The following ITGB6 variants were observed in gnomAD, a reference collection of about 807,000 sequenced individuals.
The protein encoded by ITGB6 is integrin subunit beta 6.
Under a neutral mutation model 84.5 loss-of-function variants are expected in ITGB6, and 80 were observed. That is an observed-to-expected ratio of 0.95 (90% CI 0.79 to 1.14). The LOEUF is 1.14. Ranked by LOEUF, ITGB6 falls within the 50% of genes most tolerant of loss-of-function variation. The pLI is 0.00. For missense variants in ITGB6, 1,006 were observed against 968.0 expected (o/e 1.04, Z -0.52); for synonymous variants, 383 against 354.9 (o/e 1.08, Z -0.89).
At chr2:160,161,077 G>A (rs1684799474) in intron 7 of ITGB6, among the ~76,000 whole-genome samples, 1 of 152,190 alleles carries the variant, frequency 6.6e-6, no homozygotes, top group African/African-American at 2.4e-5. Flanking sequence ...ATGTGAATAT[G>A]TAAAAGTAAC....
chr2:160,173,280 G>T (rs1685289143), intron 5 of ITGB6, among the ~76,000 whole-genome samples: 1 of 152,194 alleles, frequency 6.6e-6, no homozygotes, highest in Non-Finnish European at 1.5e-5. Flanking sequence ...ATTGTCTGTT[G>T]TTGGTGTTTA....
intron 7 of ITGB6, among the ~76,000 whole-genome samples, chr2:160,159,497 T>C (rs1244715799): frequency 6.6e-6 from 1 of 152,174 alleles, no homozygotes; most frequent in Non-Finnish European, 1.5e-5. Flanking sequence ...GCAACAAAAG[T>C]ATTTTTGGAT....
chr2:160,199,366 T>C lies in ITGB6; in HGVS notation c.62-108A>G, dbSNP rs1574155639. 5 of 771,998 alleles carry C rather than the reference T, an allele frequency of 6.5e-6. No individual in the cohort carries two copies. In the East Asian group the frequency reaches 1.3e-4, roughly 20 times the overall value. The allele number at this position is 771,998 out of a possible 1,614,324, so 47.8% of individuals were successfully genotyped here. ...TGAACAAAACAACATCAAAGTTTAG[T>C]TTAGTATCCAAAATCAGTCCTCGAA... is the stretch of plus-strand genomic sequence containing the variant. On this transcript the variant is annotated intron_variant, in intron 1 of 14. Transcript: ENST00000283249.
In ITGB6 at chr2:160,195,376, G is replaced by T. The variant is rs730880298; in HGVS notation, c.586C>A (p.Pro196Thr). The T allele has an allele frequency of 3.3e-5, 54 of 1,614,082 alleles. No homozygotes were observed. In the South Asian group the frequency reaches 5.9e-4, roughly 18 times the overall value. Residue 196 changes from proline (P) to threonine (T), a missense_variant, in exon 4 of 15, where the codon CCT (proline) becomes ACT (threonine). Transcript: ENST00000283249. The part of the protein sequence containing the change: ...VKTTPEEIAN[P>T]CSSIPYFCLP... Reference sequence around the variant, plus strand: ...AGAGAATCATTTACTTACCTGCAAGGGTTGGCAATTTCTTCTGGTGTTGTT... The same window carrying T: ...AGAGAATCATTTACTTACCTGCAAGTGTTGGCAATTTCTTCTGGTGTTGTT...
intron 12 of ITGB6, among the ~76,000 whole-genome samples, chr2:160,119,992 G>T (rs1413647033): frequency 6.6e-6 from 1 of 151,832 alleles, no homozygotes; most frequent in Non-Finnish European, 1.5e-5. Flanking sequence ...AGTTAGAATG[G>T]CAATCATTAA....
At chr2:160,160,555 G>T (rs1684777673) in intron 7 of ITGB6, among the ~76,000 whole-genome samples, 1 of 152,062 alleles carries the variant, frequency 6.6e-6, no homozygotes, top group Non-Finnish European at 1.5e-5. Context: ...ATTAATACTA[G>T]TCCCTTGGTA....
rs1683243157 is a variant in ITGB6 at position 160,126,403 on chromosome 2, C to G, written c.1859G>C (p.Cys620Ser). ...SGPTCERCPTCGDPCNSKRSC... is the reference protein window; with the variant it reads ...SGPTCERCPTSGDPCNSKRSC... The stretch of plus-strand genomic sequence containing the variant: ...CCGTTTAGAGTTACAGGGGTCACCA[C>G]AGGTAGGACATCGTTCACAGGTTGG... The change falls in exon 11 of 15, where the codon TGT (cysteine) becomes TCT (serine). Residue 620 changes from cysteine to serine, a missense_variant. Transcript: ENST00000283249. The G allele has an allele frequency of 6.2e-7, 1 of 1,614,170 alleles. No individual in the cohort carries two copies. Among genetic ancestry groups the G allele is most frequent in the Non-Finnish European group, 8.5e-7 (1 of 1,179,996 alleles).
chr2:160,155,498 A>T (rs1465852890), intron 7 of ITGB6, among the ~76,000 whole-genome samples: 1 of 152,218 alleles, frequency 6.6e-6, no homozygotes, highest in East Asian at 1.9e-4. Context: ...CATTTATGAC[A>T]CATGTACTAC....
At chr2:160,163,096 G>GCT (rs1308524605) in intron 7 of ITGB6, among the ~76,000 whole-genome samples, 14 of 152,138 alleles carry the variant, frequency 9.2e-5, no homozygotes, top group African/African-American at 3.4e-4. Context: ...GTGTTCCCTA[G>GCT]CTGTGTGGCC....
intron 6 of ITGB6, among the ~76,000 whole-genome samples, chr2:160,171,860 AG>A (rs1685218277): frequency 6.6e-6 from 1 of 152,228 alleles, no homozygotes; most frequent in Admixed American, 6.5e-5. Flanking sequence ...CTCTGGGGGC[AG>A]TAATGACTGA....
intron 4 of ITGB6, among the ~76,000 whole-genome samples, chr2:160,182,056 A>G (rs1685701025): frequency 1.3e-5 from 2 of 152,256 alleles, no homozygotes; most frequent in Non-Finnish European, 2.9e-5. Flanking sequence ...AAAAAGACTG[A>G]AAATTCCAAA....
At chr2:160,143,078 A>G (rs1684060184) in intron 7 of ITGB6, among the ~76,000 whole-genome samples, 1 of 152,210 alleles carries the variant, frequency 6.6e-6, no homozygotes. Context: ...ATTTGGGCTC[A>G]GGAGTTCGAG....
intron 7 of ITGB6, among the ~76,000 whole-genome samples, chr2:160,154,289 T>C (rs563565463): frequency 1.3e-5 from 2 of 152,270 alleles, no homozygotes; most frequent in East Asian, 3.9e-4. Context: ...TTTAGGGACA[T>C]GGATGAAGCT....
At chr2:160,106,813 G>C (rs1696926553) in intron 14 of ITGB6, among the ~76,000 whole-genome samples, 1 of 152,160 alleles carries the variant, frequency 6.6e-6, no homozygotes, top group South Asian at 2.1e-4. Flanking sequence ...TATAAAAATT[G>C]TTAACATCAA....
intron 4 of ITGB6, among the ~76,000 whole-genome samples, chr2:160,178,401 T>C (rs1398556628): frequency 6.6e-6 from 1 of 152,254 alleles, no homozygotes; most frequent in Non-Finnish European, 1.5e-5. Context: ...CGAAATGACA[T>C]TTGAGCATCT....
At position 160,107,831 on chromosome 2, in the gene ITGB6, G is replaced by C. The variant is rs756213093; in HGVS notation, c.2116C>G (p.Pro706Ala). 12 of 1,609,446 alleles carry C rather than the reference G, an allele frequency of 7.5e-6. No individual in the cohort carries two copies. In the South Asian group the frequency reaches 1.3e-4, roughly 18 times the overall value. Residue 706 changes from proline (P) to alanine (A), a missense_variant, in exon 14 of 15, where the codon CCA becomes GCA. Pro to Ala is a conservative substitution (Grantham distance 27). Transcript: ENST00000283249. ...SINEKDCPKPPNIPMIMLGVS... is the reference protein window; with the variant it reads ...SINEKDCPKPANIPMIMLGVS... ...CCTAACATGATCATGGGAATGTTTG[G>C]AGGCTTCGGACAATCTGCAGAAATA...
At chr2:160,129,015 A>C (rs1328074095) in intron 10 of ITGB6, among the ~76,000 whole-genome samples, 4 of 152,146 alleles carry the variant, frequency 2.6e-5, no homozygotes, top group Non-Finnish European at 5.9e-5. Flanking sequence ...AGGTAGAGTG[A>C]GAAAAACTCT....
intron 7 of ITGB6, among the ~76,000 whole-genome samples, chr2:160,153,665 G>C (rs1684513783): frequency 2.6e-5 from 4 of 151,996 alleles, no homozygotes; most frequent in Admixed American, 1.3e-4. Context: ...TACAGAATGG[G>C]AGAAAATTTT....
intron 4 of ITGB6, among the ~76,000 whole-genome samples, 191 bp from the exon 5 acceptor site, chr2:160,174,330 T>G (rs868633470): frequency 1.3e-5 from 2 of 152,220 alleles, no homozygotes; most frequent in Non-Finnish European, 2.9e-5. Flanking sequence ...GTTGACCATA[T>G]TCGCTGACAC....
Sources: gnomAD v4.1 joint callset for allele counts (sites outside exome capture counted in the v4.1 genomes callset) on GRCh38, gnomAD v4.1.1 for gene constraint, MANE v1.5 for transcripts, NCBI Gene and HGNC (gene_info 2026-07-23, HGNC 2026-07-21) for gene names.